The following DDB1 variants were observed in gnomAD, a reference collection of about 807,000 sequenced individuals.
The protein encoded by DDB1 is damage specific DNA binding protein 1.
A neutral mutation model predicts 133.1 loss-of-function variants in DDB1; 18 were observed. That is an observed-to-expected ratio of 0.14 (90% CI 0.09 to 0.20). The LOEUF (loss-of-function observed/expected upper bound fraction) is 0.20, where lower values mean the gene tolerates loss of function less well. Ranked by LOEUF, DDB1 falls within the 10% of genes least tolerant of loss-of-function variation. DDB1 has a pLI of 1.00. For synonymous variants in DDB1, 580 were observed against 550.5 expected, an observed-to-expected ratio of 1.05 and a Z score of -0.75; for missense variants, 828 against 1,459.2, an observed-to-expected ratio of 0.57 and a Z score of 7.05.
At position 61,313,621 on chromosome 11, in the gene DDB1, G is replaced by A; in HGVS notation, c.1947C>T (p.Val649=). The A allele has an allele frequency of 6.2e-7, 1 of 1,614,180 alleles. No homozygotes were observed. Among genetic ancestry groups the A allele is most frequent in the Non-Finnish European group, 8.5e-7 (1 of 1,180,042 alleles). ...RTFRSLSTTN[V]FACSDRPTVI... is the part of the protein sequence containing the mutation. ...CAGTGGGGCGGTCAGAACAAGCAAA[G>A]ACGTTGGTGGTAGAAAGAGAACGAA... is the stretch of plus-strand genomic sequence containing the variant. The change falls in exon 16 of 27, where the codon GTC becomes GTT. Residue 649 remains valine (V), a synonymous_variant. Transcript: ENST00000301764.
rs562209633 is a variant in DDB1 at position 61,325,475 on chromosome 11, C to T, written c.762+136G>A. On this transcript the variant is annotated intron_variant, in intron 6 of 26. Coordinates refer to ENST00000301764, the MANE Select transcript of DDB1 (RefSeq NM_001923.5). ...CTCTCTCTGTATTCCCAATGGCCAA[C>T]GCAATACCTTATATACATAGTAAAT... 4.3e-4 allele frequency: 301 copies of T among 698,948 alleles called. 1 individual carries two copies. Among genetic ancestry groups the T allele is most frequent in the Non-Finnish European group, 6.3e-4 (264 of 421,276 alleles). The allele number at this position is 698,948 out of a possible 1,614,324, so 43.3% of individuals were successfully genotyped here.
intron 5 of DDB1, chr11:61,326,160 A>G: frequency 3.9e-6 from 1 of 254,606 alleles, no homozygotes; most frequent in Non-Finnish European, 7.6e-6. Context: ...TGAGACAAAC[A>G]TAATGTAGGG....
At position 61,316,321 on chromosome 11, in the gene DDB1, G is replaced by A; in HGVS notation, c.1374C>T (p.Phe458=). The change falls in exon 12 of 27, where the codon TTC becomes TTT. Residue 458 remains phenylalanine (F), a synonymous_variant. Coordinates refer to ENST00000301764, the MANE Select transcript of DDB1 (RefSeq NM_001923.5). The part of the protein sequence containing the change: ...LMGFVDDQQT[F]FCGNVAHQQL... ...GCTGATGAGCCACGTTGCCACAGAAGAAAGTCTGCTGATCATCCACGAAAC... is the reference window on the plus strand; with the variant it reads ...GCTGATGAGCCACGTTGCCACAGAAAAAAGTCTGCTGATCATCCACGAAAC... 6.2e-7 allele frequency: 1 copy of A among 1,614,184 alleles called. No individual in the cohort carries two copies. Among genetic ancestry groups the A allele is most frequent in the Non-Finnish European group, 8.5e-7 (1 of 1,180,042 alleles).
rs28720307 is a variant in DDB1, at chr11:61,313,380, T to C, written c.2069+119A>G. The C allele has an allele frequency of 3.2e-6, 3 of 944,016 alleles. No homozygotes were observed. The East Asian group carries it at 7.6e-5, about 24-fold the overall frequency. 58.5% of individuals were successfully genotyped at this position (944,016 alleles called of 1,614,324 possible). A position where few individuals can be genotyped will look rare whatever the true frequency, so the allele number is the denominator to read the frequency against. ...GCCAGTTTTGAGAACCTCTGCACTATACTTCCCATCTCAGTTATGATTTTG... is the reference window on the plus strand; with the variant it reads ...GCCAGTTTTGAGAACCTCTGCACTACACTTCCCATCTCAGTTATGATTTTG... On this transcript the variant is annotated intron_variant, in intron 16 of 26. Coordinates refer to ENST00000301764, the MANE Select transcript of DDB1 (RefSeq NM_001923.5).
At position 61,323,343 on chromosome 11, in the gene DDB1, A is replaced by T. The variant is rs1204507886; in HGVS notation, c.922-249T>A. The T allele has an allele frequency of 1.4e-5, 7 of 505,964 alleles. No homozygotes were observed. The Admixed American group carries it at 2.0e-4, about 14-fold the overall frequency. The allele number at this position is 505,964 out of a possible 1,614,324, so 31.3% of individuals were successfully genotyped here. ...GTCTTGCATATTCCTGCTCCAAAAG[A>T]TACTGCCTAAGTATTAATATTAAAC... is the stretch of plus-strand genomic sequence containing the variant. On this transcript the variant is annotated intron_variant, in intron 7 of 26. Transcript: ENST00000301764.
At chr11:61,303,294 C>T (rs1453042007) in intron 22 of DDB1, 139 bp from the exon 23 acceptor site, 1 of 746,934 alleles carries the variant, frequency 1.3e-6, no homozygotes, top group Admixed American at 2.4e-5. Flanking sequence ...AAGTGTCACC[C>T]TAGAGGGATT....
rs1203680293 is a variant in DDB1 at position 61,300,019 on chromosome 11, G to C, written c.*117C>G. 3 of 949,854 alleles carry C rather than the reference G, an allele frequency of 3.2e-6. No homozygotes were observed. The highest frequency in any genetic ancestry group is 5.0e-6 in the Non-Finnish European group (3 of 600,278). The allele number at this position is 949,854 out of a possible 1,614,324, so 58.8% of individuals were successfully genotyped here. On this transcript the variant is annotated 3_prime_UTR_variant, in exon 27 of 27. Transcript: ENST00000301764. ...CCACATAGGGGAACTGTGGCTCTGG[G>C]GGCAGCTGGCTTAGGGAAAGGCCTC...
intron 25 of DDB1, chr11:61,302,047 A>G: frequency 2.2e-6 from 1 of 460,386 alleles, no homozygotes; most frequent in Non-Finnish European, 3.9e-6. Context: ...AGCGGAAGCT[A>G]GGTGATAAGT....
rs1856340798 is a variant in DDB1 at position 61,330,067 on chromosome 11, C to T, written c.218G>A (p.Ser73Asn). ...VMELFRPKGE[S>N]KDLLFILTAK... ...TGTCAAGATAAACAGCAGGTCCTTG[C>T]TCTCCCCCTGGAAACCAATATTATG... The change falls in exon 3 of 27, where the codon AGC becomes AAC. Residue 73 changes from serine to asparagine, a missense_variant. This residue lies in a region of DDB1 where 210 missense variants were observed against 344.8 expected (regional missense o/e 0.61). Coordinates refer to ENST00000301764, the MANE Select transcript of DDB1 (RefSeq NM_001923.5). 1.2e-6 allele frequency: 2 copies of T among 1,612,496 alleles called. No individual in the cohort carries two copies. Among genetic ancestry groups the T allele is most frequent in the Non-Finnish European group, 1.7e-6 (2 of 1,178,808 alleles).
intron 13 of DDB1, 25 bp from the exon 14 acceptor site, chr11:61,314,235 G>C: frequency 6.3e-7 from 1 of 1,591,290 alleles, no homozygotes; most frequent in Non-Finnish European, 8.6e-7. Flanking sequence ...ATATGGCAGA[G>C]GAAGGAATCC....
chr11:61,330,791 G>A (rs1321209968), intron 2 of DDB1, among the ~76,000 whole-genome samples: 5 of 152,184 alleles, frequency 3.3e-5, no homozygotes, highest in African/African-American at 1.2e-4. Flanking sequence ...AAGTAGCTGG[G>A]ATTACAGGCA....
In DDB1 at chr11:61,302,669, G is replaced by A; in HGVS notation, c.3025C>T (p.His1009Tyr). 1 of 1,614,206 alleles carries A rather than the reference G, an allele frequency of 6.2e-7. No individual in the cohort carries two copies. Among genetic ancestry groups the A allele is most frequent in the Non-Finnish European group, 8.5e-7 (1 of 1,180,034 alleles). ...AGATTCTGCATTACCAGAGAGCCGT[G>A]GCAAAAGACATTGACAAACTCGCCC... is the stretch of plus-strand genomic sequence containing the variant. ...HLGEFVNVFC[H>Y]GSLVMQNLGE... Residue 1009 changes from histidine to tyrosine, a missense_variant, in exon 24 of 27, where the codon CAC (histidine) becomes TAC (tyrosine). Physicochemically the swap from His to Tyr is moderately conservative, Grantham distance 83 (BLOSUM62 2). Coordinates refer to ENST00000301764, the MANE Select transcript of DDB1 (RefSeq NM_001923.5).
intron 25 of DDB1, 174 bp downstream of exon 25, chr11:61,302,083 A>G (rs1163026023): frequency 1.7e-6 from 1 of 600,476 alleles, no homozygotes; most frequent in Non-Finnish European, 3.0e-6. Context: ...ATACTGTTCT[A>G]TTGTGTATGT....
chr11:61,304,885 A>C (rs1855860481), intron 21 of DDB1, among the ~76,000 whole-genome samples: 1 of 151,958 alleles, frequency 6.6e-6, no homozygotes, highest in Non-Finnish European at 1.5e-5. Context: ...CTAAAAAAAA[A>C]AAAAAAGGAA....
chr11:61,307,891 A>G (rs1240482955), intron 21 of DDB1, among the ~76,000 whole-genome samples: 1 of 152,082 alleles, frequency 6.6e-6, no homozygotes, highest in Non-Finnish European at 1.5e-5. Flanking sequence ...CCCTCATAAC[A>G]TAAGCAGAAT....
At chr11:61,313,415 A>G in intron 16 of DDB1, 84 bp downstream of exon 16, 1 of 1,279,762 alleles carries the variant, frequency 7.8e-7, no homozygotes, top group South Asian at 1.4e-5. Context: ...GACACCGGAA[A>G]AAGGCTTTGA....
chr11:61,309,372 G>T (rs986787446), intron 20 of DDB1, among the ~76,000 whole-genome samples: 3 of 152,078 alleles, frequency 2.0e-5, no homozygotes, highest in African/African-American at 7.2e-5. Flanking sequence ...GAGATTTCCG[G>T]GCTGATAGTC....
rs1856229124 is a variant in DDB1, at chr11:61,324,025, T to C, written c.875A>G (p.Asp292Gly). The part of the protein sequence containing the change: ...MLLLEKEEQM[D>G]GTVTLKDLRV... The stretch of plus-strand genomic sequence containing the variant: ...GAGATCCTTGAGAGTGACGGTGCCA[T>C]CCATCTGTTCCTCCTTCTCCAAAAG... Residue 292 changes from aspartate to glycine, a missense_variant, in exon 7 of 27, where the codon GAT becomes GGT. Coordinates refer to ENST00000301764, the MANE Select transcript of DDB1 (RefSeq NM_001923.5). The C allele has an allele frequency of 6.2e-7, 1 of 1,613,354 alleles. No homozygotes were observed. Among genetic ancestry groups the C allele is most frequent in the Admixed American group, 1.7e-5 (1 of 59,916 alleles).
intron 21 of DDB1, 133 bp from the exon 22 acceptor site, chr11:61,304,168 G>T: frequency 1.2e-6 from 1 of 807,510 alleles, no homozygotes; most frequent in Non-Finnish European, 1.9e-6. Flanking sequence ...GTTTTATGAG[G>T]CACTGGGGTG....
Sources: gnomAD v4.1 joint callset for allele counts (sites outside exome capture counted in the v4.1 genomes callset) on GRCh38, gnomAD v4.1.1 for gene constraint, gnomAD v4.1.1 regional missense constraint, MANE v1.5 for transcripts, NCBI Gene and HGNC (gene_info 2026-07-23, HGNC 2026-07-21) for gene names.